CST8: variants seen among roughly 807,000 people sequenced by gnomAD.
The protein encoded by CST8 is cystatin 8.
A neutral mutation model predicts 11.8 loss-of-function variants in CST8; 20 were observed. The ratio of observed to expected loss-of-function variants is 1.70; its 90% CI spans 1.20 to 2.47. The LOEUF (loss-of-function observed/expected upper bound fraction) is 2.47, where lower values mean the gene tolerates loss of function less well. CST8 is among the 30% of genes most tolerant of loss of function. CST8 has a pLI of 0.00. For missense variants in CST8, 196 were observed against 167.2 expected (o/e 1.17, Z -0.95); for synonymous variants, 77 against 63.1 (o/e 1.22, Z -1.05).
intron 2 of CST8, among the ~76,000 whole-genome samples, chr20:23,492,485 G>A (rs79068854): frequency 0.02 from 3,087 of 152,286 alleles, 84 homozygotes; most frequent in African/African-American, 0.069. Context: ...GGCTTTGGGT[G>A]GGGAAACCCC....
the CST8 span, among the ~76,000 whole-genome samples, chr20:23,501,546 C>T: frequency 2.0e-5 from 3 of 152,200 alleles, no homozygotes; most frequent in Non-Finnish European, 4.4e-5. Flanking sequence ...GAGTGATACA[C>T]AGAAAAATAC....
the CST8 span, among the ~76,000 whole-genome samples, chr20:23,502,392 T>G: frequency 2.0e-5 from 3 of 152,240 alleles, no homozygotes; most frequent in Non-Finnish European, 4.4e-5. Flanking sequence ...TCTTGCCTGC[T>G]TGCAGCGGAA....
intron 3 of CST8, among the ~76,000 whole-genome samples, chr20:23,494,161 A>G (rs750951551): frequency 6.6e-6 from 1 of 152,130 alleles, no homozygotes; most frequent in Non-Finnish European, 1.5e-5. Context: ...AGCTTGTCCG[A>G]ATGCTATCTG....
intron 2 of CST8, among the ~76,000 whole-genome samples, chr20:23,492,623 C>A (rs1199989458): frequency 6.6e-6 from 1 of 152,192 alleles, no homozygotes; most frequent in Non-Finnish European, 1.5e-5. Context: ...TCTGAAGAGC[C>A]CACCTTTCAC....
Position 23,491,880 on chromosome 20 carries a change from A to C in CST8, c.213A>C (p.Thr71=). Residue 71 remains threonine, a synonymous_variant, in exon 2 of 4, where the codon ACA becomes ACC. Coordinates refer to ENST00000246012, the MANE Select transcript of CST8 (RefSeq NM_005492.4). The part of the protein sequence containing the change: ...EDKYVFLVVK[T]LQAQLQVTNL... ...AGTATGTCTTCCTGGTGGTCAAGAC[A>C]CTGCAAGCCCAGCTTCAGGTAAAGG... is the stretch of plus-strand genomic sequence containing the variant. 1 of 1,614,108 alleles carries C rather than the reference A, an allele frequency of 6.2e-7. No individual in the cohort carries two copies.
chr20:23,495,455 A>G (rs772053487), intron 3 of CST8, among the ~76,000 whole-genome samples: 3 of 152,232 alleles, frequency 2.0e-5, no homozygotes, highest in Non-Finnish European at 4.4e-5. Flanking sequence ...CAACCTTGCC[A>G]ATATTAAAAT....
chr20:23,505,381 T>G, the CST8 span, among the ~76,000 whole-genome samples: 58,363 of 151,888 alleles, frequency 0.38, 12,367 homozygotes, highest in Non-Finnish European at 0.47. Context: ...CCTGACCTCA[T>G]GATCTGCCCA....
At chr20:23,495,736 TA>T in intron 3 of CST8, 94 bp from the exon 4 acceptor site, 1 of 959,000 alleles carries the variant, frequency 1.0e-6, no homozygotes, top group Non-Finnish European at 1.6e-6. Context: ...AGCACACACC[TA>T]AACTGACACC....
chr20:23,499,086 G>A (rs957567598), downstream of CST8, among the ~76,000 whole-genome samples: 8 of 152,258 alleles, frequency 5.3e-5, no homozygotes, highest in East Asian at 5.8e-4. Flanking sequence ...CTCAGATGTC[G>A]GGAGAAGACA....
downstream of CST8, among the ~76,000 whole-genome samples, chr20:23,496,293 G>T (rs1023766694): frequency 3.3e-5 from 5 of 151,972 alleles, no homozygotes; most frequent in African/African-American, 1.2e-4. Flanking sequence ...GCCAGTCTGA[G>T]AAATAAAGGG....
downstream of CST8, among the ~76,000 whole-genome samples, chr20:23,499,597 G>T (rs1988135410): frequency 6.6e-6 from 1 of 152,202 alleles, no homozygotes; most frequent in Non-Finnish European, 1.5e-5. Flanking sequence ...CCATGGAGCT[G>T]GAGGGGAAGG....
the CST8 span, among the ~76,000 whole-genome samples, chr20:23,501,902 T>C: frequency 6.6e-6 from 1 of 152,208 alleles, no homozygotes; most frequent in African/African-American, 2.4e-5. Flanking sequence ...ACATTCTGAG[T>C]GAGCTGCTGG....
chr20:23,502,649 T>C, the CST8 span, among the ~76,000 whole-genome samples: 2 of 152,192 alleles, frequency 1.3e-5, no homozygotes, highest in Non-Finnish European at 2.9e-5. Flanking sequence ...GTGATTCTGC[T>C]TTACTGTAAC....
At chr20:23,496,925 A>G (rs1418405777), downstream of CST8, among the ~76,000 whole-genome samples, 3 of 152,210 alleles carry the variant, frequency 2.0e-5, no homozygotes, top group Non-Finnish European at 4.4e-5. Flanking sequence ...TTCCCTGAAC[A>G]TTGCTGTTAT....
At position 23,491,776 on chromosome 20, in the gene CST8, C is replaced by T; in HGVS notation, c.109C>T (p.Pro37Ser). ...GACAGGGGTGCTGAGGAAATTAAAACCCGTCAATGCCTCAAATGCCAACGT... is the reference window on the plus strand; with the variant it reads ...GACAGGGGTGCTGAGGAAATTAAAATCCGTCAATGCCTCAAATGCCAACGT... ...NETGVLRKLK[P>S]VNASNANVKQ... The change falls in exon 2 of 4, where the codon CCC becomes TCC. Residue 37 changes from proline to serine, a missense_variant. Pro to Ser is a moderately conservative substitution (Grantham distance 74). Transcript: ENST00000246012. 2 of 1,614,106 alleles carry T rather than the reference C, an allele frequency of 1.2e-6. No individual in the cohort carries two copies. The highest frequency in any genetic ancestry group is 1.7e-6 in the Non-Finnish European group (2 of 1,179,986).
In CST8 at chr20:23,491,773, A is replaced by G. The variant is rs755777613; in HGVS notation, c.106A>G (p.Lys36Glu). Residue 36 changes from lysine to glutamate, a missense_variant, in exon 2 of 4, where the codon AAA (lysine) becomes GAA (glutamate). Lys to Glu is a moderately conservative substitution (Grantham distance 56). Coordinates refer to ENST00000246012, the MANE Select transcript of CST8 (RefSeq NM_005492.4). ...KNETGVLRKL[K>E]PVNASNANVK... Reference sequence around the variant, plus strand: ...TGAGACAGGGGTGCTGAGGAAATTAAAACCCGTCAATGCCTCAAATGCCAA... The same window carrying G: ...TGAGACAGGGGTGCTGAGGAAATTAGAACCCGTCAATGCCTCAAATGCCAA... The G allele has an allele frequency of 5.6e-6, 9 of 1,614,126 alleles. No homozygotes were observed. The South Asian group carries it at 9.9e-5, about 18-fold the overall frequency.
At chr20:23,503,664 T>G in the CST8 span, among the ~76,000 whole-genome samples, 1 of 152,284 alleles carries the variant, frequency 6.6e-6, no homozygotes, top group Non-Finnish European at 1.5e-5. Flanking sequence ...GATAAAGTAA[T>G]GAAGTCATTA....
At chr20:23,494,844 C>T (rs1219217036) in intron 3 of CST8, among the ~76,000 whole-genome samples, 1 of 152,160 alleles carries the variant, frequency 6.6e-6, no homozygotes, top group Non-Finnish European at 1.5e-5. Flanking sequence ...TTCAGGGGTA[C>T]ACATACAGGC....
downstream of CST8, among the ~76,000 whole-genome samples, chr20:23,496,986 C>G (rs950833435): frequency 3.9e-5 from 6 of 152,192 alleles, no homozygotes; most frequent in Non-Finnish European, 8.8e-5. Context: ...AACACACATG[C>G]TCTACAGACA....
Sources: gnomAD v4.1 joint callset for allele counts (sites outside exome capture counted in the v4.1 genomes callset) on GRCh38, gnomAD v4.1.1 for gene constraint, MANE v1.5 for transcripts, NCBI Gene and HGNC (gene_info 2026-07-23, HGNC 2026-07-21) for gene names.